Variants in TPPP observed in about 807,000 individuals in gnomAD.
TPPP encodes the protein tubulin polymerization-promoting protein.
A neutral mutation model predicts 15.5 loss-of-function variants in TPPP; 6 were observed. The observed-to-expected ratio is 0.39, with a 90% CI of 0.21 to 0.77. The LOEUF (loss-of-function observed/expected upper bound fraction) is 0.77, where lower values mean the gene tolerates loss of function less well. Among genes scored for constraint, TPPP ranks in the 30% least tolerant of loss-of-function variants. The probability of loss-of-function intolerance (pLI) is 0.42; values close to 1 mark genes in which losing one functional copy is unlikely to be tolerated. For synonymous variants in TPPP, 146 were observed against 133.9 expected (o/e 1.09, Z -0.63); for missense variants, 269 against 307.2 (o/e 0.88, Z 0.93).
intron 2 of TPPP, chr5:666,901 T>C (rs1739939141): frequency 6.6e-6 from 1 of 152,048 alleles, no homozygotes; most frequent in Admixed American, 6.5e-5. Flanking sequence ...TTTTTCAGTG[T>C]TTAAAACAAG....
chr5:678,653 G>A lies in TPPP; in HGVS notation c.-4-589C>T, dbSNP rs368996210. On this transcript the variant is annotated intron_variant, in intron 1 of 3. Transcript: ENST00000360578. ...GAGGGTGCGTGGTGGCCCTGGGGGC[G>A]CCTCAGGATGCTCTTCCCAGGAGCC... 1.4e-4 allele frequency among the ~76,000 whole-genome samples: 20 copies of A among 145,170 alleles called. 2 individuals are homozygous for A. The highest frequency in any genetic ancestry group is 5.9e-4 in the Admixed American group (9 of 15,230).
Position 665,991 on chromosome 5 carries a change from C to T in TPPP, c.444G>A (p.Ala148=), listed in dbSNP as rs146377171. 1,240 of 1,386,506 alleles carry T rather than the reference C, an allele frequency of 8.9e-4. 11 individuals carry two copies. Among genetic ancestry groups the T allele is most frequent in the Non-Finnish European group, 3.0e-4 (311 of 1,044,402 alleles). 85.9% of individuals were successfully genotyped at this position (1,386,506 alleles called of 1,614,324 possible). ...TCACCGTCACCCCTGAGATGATGGGCGCCTTGCCCTCGATGAGCCTGTGCA... is the reference window on the plus strand; with the variant it reads ...TCACCGTCACCCCTGAGATGATGGGTGCCTTGCCCTCGATGAGCCTGTGCA... The part of the protein sequence containing the change: ...REVHRLIEGK[A]PIISGVTKAI... The change falls in exon 3 of 4, where the codon GCG becomes GCA. Residue 148 remains alanine (A), a synonymous_variant. Transcript: ENST00000360578.
intron 3 of TPPP, among the ~76,000 whole-genome samples, chr5:665,616 A>G (rs955599096): frequency 3.1e-5 from 1 of 32,418 alleles, no homozygotes; most frequent in Non-Finnish European, 6.8e-5. Flanking sequence ...ATGCCCCCCC[A>G]ATCCATGCCC....
chr5:676,434 CAG>C (rs987782291), intron 2 of TPPP: 1 of 152,332 alleles, frequency 6.6e-6, no homozygotes, highest in Middle Eastern at 3.4e-3. Flanking sequence ...GCCTTCCACA[CAG>C]GGGCATCTGA....
At chr5:693,020 G>C (rs1287698158) in intron 1 of TPPP, among the ~76,000 whole-genome samples, 1 of 150,860 alleles carries the variant, frequency 6.6e-6, no homozygotes, top group Admixed American at 6.6e-5. Context: ...CCTGTCCCTG[G>C]CGCGGCCGAC....
Position 677,831 on chromosome 5 carries a change from G to A in TPPP, c.230C>T (p.Ser77Leu), listed in dbSNP as rs750587089. ...TGREMHGKNW[S>L]KLCKDCQVID... ...CACCTGGCAGTCCTTGCACAGCTTCGACCAGTTCTTGCCGTGCATCTCCCT... is the reference window on the plus strand; with the variant it reads ...CACCTGGCAGTCCTTGCACAGCTTCAACCAGTTCTTGCCGTGCATCTCCCT... Residue 77 changes from serine to leucine, a missense_variant, in exon 2 of 4, where the codon TCG (serine) becomes TTG (leucine). Transcript: ENST00000360578. 1.9e-5 allele frequency: 31 copies of A among 1,612,098 alleles called. No individual in the cohort carries two copies. Among genetic ancestry groups the A allele is most frequent in the Non-Finnish European group, 2.4e-5 (28 of 1,179,560 alleles).
upstream of TPPP, among the ~76,000 whole-genome samples, chr5:695,993 C>T (rs906155734): frequency 7.2e-5 from 8 of 111,120 alleles, 1 homozygote; most frequent in Admixed American, 2.7e-4. Flanking sequence ...ACAGGTTCTG[C>T]GTCCGCAGTT....
intron 2 of TPPP, among the ~76,000 whole-genome samples, chr5:676,952 C>T (rs1466135704): frequency 1.3e-5 from 2 of 150,422 alleles, no homozygotes; most frequent in East Asian, 2.0e-4. Context: ...CGCAGAAACG[C>T]GCACACGTGC....
the TPPP span, among the ~76,000 whole-genome samples, chr5:698,820 G>A: frequency 1.3e-5 from 2 of 151,948 alleles, no homozygotes; most frequent in Admixed American, 1.3e-4. Flanking sequence ...AAATTCAGTA[G>A]CATTTAAGGA....
Position 677,747 on chromosome 5 carries a change from C to CA in TPPP, c.311+2dup, listed in dbSNP as rs1266824076. 1.9e-6 allele frequency: 3 copies of CA among 1,557,058 alleles called. No homozygotes were observed. The highest frequency in any genetic ancestry group is 3.6e-5 in the Admixed American group (2 of 55,974). On this transcript the variant is annotated splice_region_variant and intron_variant, in intron 2 of 3. Coordinates refer to ENST00000360578, the MANE Select transcript of TPPP (RefSeq NM_007030.3). Reference sequence around the variant, plus strand: ...CCTCGGCCCGTGAGCCCAGCGCACTCACTTGATCTTGCTGAAGACGATGTC... The same window carrying CA: ...CCTCGGCCCGTGAGCCCAGCGCACTCAACTTGATCTTGCTGAAGACGATGTC...
intron 2 of TPPP, among the ~76,000 whole-genome samples, chr5:669,281 C>T (rs1040215471): frequency 1.3e-5 from 1 of 74,638 alleles, no homozygotes; most frequent in African/African-American, 5.4e-5. Context: ...GCTGGTGAGC[C>T]CGGTGAGCCG....
chr5:665,948 C>T (rs1203744628), intron 3 of TPPP, 22 bp downstream of exon 3: 1 of 1,520,324 alleles, frequency 6.6e-7, no homozygotes, highest in South Asian at 1.2e-5. Context: ...CAGGCCCCGC[C>T]TTCCATCCCC....
At chr5:694,283 G>C (rs1336798676), upstream of TPPP, among the ~76,000 whole-genome samples, 1 of 151,236 alleles carries the variant, frequency 6.6e-6, no homozygotes, top group Non-Finnish European at 1.5e-5. Flanking sequence ...GCTGGGTGCT[G>C]GGACTTGAGG....
chr5:672,502 G>T (rs967333820), intron 2 of TPPP, among the ~76,000 whole-genome samples: 18 of 152,240 alleles, frequency 1.2e-4, no homozygotes, highest in African/African-American at 3.6e-4. Context: ...TCCTTCCTCT[G>T]CCTCATCGGC....
chr5:681,689 GCCT>G (rs1489576103), intron 1 of TPPP, among the ~76,000 whole-genome samples: 4 of 137,886 alleles, frequency 2.9e-5, no homozygotes, highest in Non-Finnish European at 6.3e-5. Flanking sequence ...CACCCCCAGC[GCCT>G]CCCCAGGGAG....
chr5:686,150 C>G (rs1740761147), intron 1 of TPPP, among the ~76,000 whole-genome samples: 1 of 152,206 alleles, frequency 6.6e-6, no homozygotes, highest in Admixed American at 6.5e-5. Context: ...AAGCACGACA[C>G]AGGACATTCC....
intron 2 of TPPP, among the ~76,000 whole-genome samples, chr5:674,969 A>G (rs1444766755): frequency 6.9e-6 from 1 of 144,080 alleles, no homozygotes; most frequent in African/African-American, 2.6e-5. Flanking sequence ...CCTGAGAGTC[A>G]GTCCACAAAG....
At chr5:686,107 G>C (rs1740760088) in intron 1 of TPPP, among the ~76,000 whole-genome samples, 1 of 152,182 alleles carries the variant, frequency 6.6e-6, no homozygotes, top group African/African-American at 2.4e-5. Flanking sequence ...TGCCCAGCCA[G>C]TGCCCACCAC....
At chr5:686,077 C>G (rs569129296) in intron 1 of TPPP, among the ~76,000 whole-genome samples, 1 of 152,296 alleles carries the variant, frequency 6.6e-6, no homozygotes, top group African/African-American at 2.4e-5. Context: ...GTCCAAGGCC[C>G]AAGTGAGAGT....
Sources: gnomAD v4.1 joint callset for allele counts (sites outside exome capture counted in the v4.1 genomes callset) on GRCh38, gnomAD v4.1.1 for gene constraint, MANE v1.5 for transcripts, NCBI Gene and HGNC (gene_info 2026-07-23, HGNC 2026-07-21) for gene names.